Variants in THRAP3 observed in about 807,000 individuals in gnomAD.
THRAP3 encodes the protein thyroid hormone receptor associated protein 3.
THRAP3 carries 16 observed loss-of-function variants against 101.0 expected under a neutral mutation model. The observed-to-expected ratio is 0.16, with a 90% confidence interval of 0.11 to 0.24. THRAP3 has a LOEUF of 0.24. Ranked by LOEUF, THRAP3 falls within the 10% of genes least tolerant of loss-of-function variation. The probability of loss-of-function intolerance (pLI) is 1.00; values close to 1 mark genes in which losing one functional copy is unlikely to be tolerated. For missense variants in THRAP3, 989 were observed against 1,202.7 expected (o/e 0.82, Z 2.63); for synonymous variants, 407 against 422.6 (o/e 0.96, Z 0.45).
chr1:36,265,929 G>A (rs1054440369), intron 2 of THRAP3, among the ~76,000 whole-genome samples: 3 of 151,892 alleles, frequency 2.0e-5, no homozygotes, highest in Admixed American at 6.6e-5. Flanking sequence ...TGAGGCGGGC[G>A]GATCATTTGA....
At chr1:36,302,472 A>C (rs1283572044) in intron 11 of THRAP3, among the ~76,000 whole-genome samples, 4 of 152,182 alleles carry the variant, frequency 2.6e-5, no homozygotes, top group Non-Finnish European at 5.9e-5. Flanking sequence ...CTTTGAACTT[A>C]TCTCTAGGGA....
At position 36,265,982 on chromosome 1, in the gene THRAP3, C is replaced by G. The variant is rs1039648983; in HGVS notation, c.-32+6498C>G. On this transcript the variant is annotated intron_variant, in intron 2 of 11. Coordinates refer to ENST00000354618, the MANE Select transcript of THRAP3 (RefSeq NM_005119.4). ...CAGCTTGGCCAGCATGGTGAGACCC[C>G]GTCTGTATTGAAAATACAAAGATTA... Among the ~76,000 whole-genome samples the G allele has an allele frequency of 5.3e-5, 8 of 151,628 alleles. No individual in the cohort carries two copies. In the Admixed American group the frequency reaches 5.3e-4, roughly 10 times the overall value.
At position 36,292,031 on chromosome 1, in the gene THRAP3, G is replaced by A. The variant is rs538839628; in HGVS notation, c.1918+485G>A. Among the ~76,000 whole-genome samples the A allele has an allele frequency of 3.9e-5, 6 of 152,162 alleles. No individual in the cohort carries two copies. The East Asian group carries it at 1.2e-3, about 29-fold the overall frequency. ...ATAAACTCAAGCAAGAGTTGGTGCT[G>A]TGCTTCTGAGGAGAATAAGCTTCAA... On this transcript the variant is annotated intron_variant, in intron 6 of 11. Coordinates refer to ENST00000354618, the MANE Select transcript of THRAP3 (RefSeq NM_005119.4).
the THRAP3 span, among the ~76,000 whole-genome samples, chr1:36,212,689 G>T: frequency 6.6e-6 from 1 of 152,028 alleles, no homozygotes; most frequent in Admixed American, 6.6e-5. Flanking sequence ...CAAAGTGCTG[G>T]GATTACAAGC....
chr1:36,224,068 C>CTT (rs1644927559), upstream of THRAP3, among the ~76,000 whole-genome samples: 1 of 152,236 alleles, frequency 6.6e-6, no homozygotes, highest in Non-Finnish European at 1.5e-5. Flanking sequence ...CGACTTCCAA[C>CTT]TCGGAAGCTT....
intron 1 of THRAP3, among the ~76,000 whole-genome samples, chr1:36,256,460 C>T (rs1232745937): frequency 6.6e-6 from 1 of 151,810 alleles, no homozygotes; most frequent in Admixed American, 6.6e-5. Context: ...CTCCTGACCT[C>T]GTGATCCGCC....
At chr1:36,253,359 T>C (rs1250593095) in intron 1 of THRAP3, among the ~76,000 whole-genome samples, 1 of 152,176 alleles carries the variant, frequency 6.6e-6, no homozygotes, top group Non-Finnish European at 1.5e-5. Flanking sequence ...TTTTGAAATA[T>C]GGAGATTTAG....
chr1:36,234,807 C>CTTTTTT (rs35278020), intron 1 of THRAP3, among the ~76,000 whole-genome samples: 109 of 72,446 alleles, frequency 1.5e-3, no homozygotes, highest in Non-Finnish European at 1.7e-3. Context: ...CTGTTTCAGT[C>CTTTTTT]TTTTTTTTTT....
intron 1 of THRAP3, among the ~76,000 whole-genome samples, chr1:36,238,129 G>T (rs1158628829): frequency 2.0e-5 from 3 of 152,034 alleles, no homozygotes; most frequent in African/African-American, 4.8e-5. Context: ...CACCGCGCCC[G>T]GCGATTTAGC....
chr1:36,225,331 C>T (rs1033452205), intron 1 of THRAP3: 1 of 152,132 alleles, frequency 6.6e-6, no homozygotes, highest in Non-Finnish European at 1.5e-5. Context: ...GGCAGTGAAG[C>T]TTCTGTTGGG....
chr1:36,232,019 C>T (rs1412711607), intron 1 of THRAP3, among the ~76,000 whole-genome samples: 2 of 152,126 alleles, frequency 1.3e-5, no homozygotes, highest in African/African-American at 2.4e-5. Context: ...GAGTTTGAGA[C>T]TAGCTTGACC....
chr1:36,218,994 C>T, the THRAP3 span, among the ~76,000 whole-genome samples: 3 of 143,980 alleles, frequency 2.1e-5, no homozygotes, highest in African/African-American at 7.8e-5. Context: ...GATCACGCCA[C>T]TGCACTCTAG....
chr1:36,268,813 C>T (rs1570296657), intron 2 of THRAP3, among the ~76,000 whole-genome samples: 2 of 151,976 alleles, frequency 1.3e-5, no homozygotes, highest in South Asian at 4.1e-4. Context: ...GCAAGCTCCA[C>T]CTCCCAGGTT....
intron 1 of THRAP3, among the ~76,000 whole-genome samples, chr1:36,230,079 C>T (rs1362053346): frequency 1.3e-5 from 2 of 151,740 alleles, no homozygotes; most frequent in Admixed American, 1.3e-4. Flanking sequence ...GTCAGCCTCC[C>T]GAGTCGCTGG....
chr1:36,239,144 TC>T, intron 1 of THRAP3, among the ~76,000 whole-genome samples: 1 of 151,734 alleles, frequency 6.6e-6, no homozygotes, highest in African/African-American at 2.4e-5. Context: ...GAGCTGGTGA[TC>T]CGCCCGCCTC....
chr1:36,253,836 CT>C (rs1178664525), intron 1 of THRAP3, among the ~76,000 whole-genome samples: 1 of 143,512 alleles, frequency 7.0e-6, no homozygotes, highest in Non-Finnish European at 1.5e-5. Flanking sequence ...AACTTCTGAC[CT>C]CAAGCTGTCC....
In THRAP3 at chr1:36,282,673, T is replaced by C; in HGVS notation, c.110T>C (p.Leu37Pro). 1 of 1,614,192 alleles carries C rather than the reference T, an allele frequency of 6.2e-7. No individual in the cohort carries two copies. Among genetic ancestry groups the C allele is most frequent in the East Asian group, 2.2e-5 (1 of 44,882 alleles). ...AAGTCTCGGTCCCGAAGCCGATCTC[T>C]CTCTCGTTCAAGGAAGCGCAGGCTG... ...FSKSRSRSRS[L>P]SRSRKRRLSS... Residue 37 changes from leucine to proline, a missense_variant, in exon 3 of 12, where the codon CTC becomes CCC. Transcript: ENST00000354618.
At chr1:36,277,919 C>A (rs1401749821) in intron 2 of THRAP3, among the ~76,000 whole-genome samples, 4 of 151,682 alleles carry the variant, frequency 2.6e-5, no homozygotes, top group African/African-American at 9.7e-5. Flanking sequence ...GCTGCCACAC[C>A]CAGCTAATTT....
intron 1 of THRAP3, among the ~76,000 whole-genome samples, chr1:36,235,224 A>G (rs1172509335): frequency 6.6e-6 from 1 of 152,182 alleles, no homozygotes; most frequent in African/African-American, 2.4e-5. Context: ...CAGCACATGA[A>G]TATCATTATA....
Sources: gnomAD v4.1 joint callset for allele counts (sites outside exome capture counted in the v4.1 genomes callset) on GRCh38, gnomAD v4.1.1 for gene constraint, MANE v1.5 for transcripts, NCBI Gene and HGNC (gene_info 2026-07-23, HGNC 2026-07-21) for gene names.